INPP4B: variants seen among roughly 807,000 people sequenced by gnomAD.
INPP4B encodes the protein inositol polyphosphate-4-phosphatase type II B, also known as inositol polyphosphate 4-phosphatase type II.
INPP4B carries 55 observed loss-of-function variants against 122.5 expected under a neutral mutation model. The observed-to-expected ratio is 0.45, with a 90% confidence interval of 0.36 to 0.56. The LOEUF is 0.56. INPP4B is among the 20% of genes least tolerant of loss of function. INPP4B has a pLI of 0.00. For missense variants in INPP4B, 1,000 were observed against 1,097.7 expected, an observed-to-expected ratio of 0.91 and a Z score of 1.26; for synonymous variants, 403 against 388.7, an observed-to-expected ratio of 1.04 and a Z score of -0.43.
chr4:142,325,494 A>G (rs1771976655), intron 7 of INPP4B, among the ~76,000 whole-genome samples: 1 of 152,194 alleles, frequency 6.6e-6, no homozygotes, highest in African/African-American at 2.4e-5. Flanking sequence ...GGGATATGCT[A>G]TCTTGGGTTT....
intron 9 of INPP4B, among the ~76,000 whole-genome samples, chr4:142,297,507 T>C (rs761405818): frequency 6.6e-6 from 1 of 152,156 alleles, no homozygotes; most frequent in Non-Finnish European, 1.5e-5. Flanking sequence ...CAAGATCTGG[T>C]TGATTCAAAG....
At chr4:142,398,421 T>C (rs1414227764) in intron 7 of INPP4B, among the ~76,000 whole-genome samples, 2 of 93,532 alleles carry the variant, frequency 2.1e-5, no homozygotes, top group African/African-American at 8.4e-5. Context: ...TATATATATA[T>C]ATATATATAT....
At chr4:142,563,888 C>T (rs1050186082) in intron 2 of INPP4B, among the ~76,000 whole-genome samples, 4 of 152,130 alleles carry the variant, frequency 2.6e-5, no homozygotes, top group African/African-American at 4.8e-5. Context: ...GCTAATCCCC[C>T]GAAGCAGAGC....
At chr4:142,612,022 A>G (rs112956402) in intron 2 of INPP4B, among the ~76,000 whole-genome samples, 4 of 152,300 alleles carry the variant, frequency 2.6e-5, no homozygotes, top group African/African-American at 4.8e-5. Context: ...TAGCATACAC[A>G]GGTTTACATG....
At chr4:142,174,836 G>T (rs1322394152) in intron 15 of INPP4B, among the ~76,000 whole-genome samples, 1 of 152,022 alleles carries the variant, frequency 6.6e-6, no homozygotes, top group Non-Finnish European at 1.5e-5. Flanking sequence ...TACTATGCTT[G>T]CACAGACTGG....
intron 9 of INPP4B, among the ~76,000 whole-genome samples, chr4:142,279,141 A>G (rs1227484207): frequency 6.6e-6 from 1 of 152,006 alleles, no homozygotes; most frequent in Non-Finnish European, 1.5e-5. Context: ...CTAATAAAAA[A>G]TTCAAAGAAG....
intron 2 of INPP4B, among the ~76,000 whole-genome samples, chr4:142,499,389 AG>A (rs1287714231): frequency 6.6e-6 from 1 of 152,188 alleles, no homozygotes; most frequent in Non-Finnish European, 1.5e-5. Context: ...TTTGATTAGA[AG>A]GGATTTTAAC....
intron 7 of INPP4B, among the ~76,000 whole-genome samples, chr4:142,350,922 T>C (rs1388085980): frequency 6.6e-6 from 1 of 151,986 alleles, no homozygotes; most frequent in African/African-American, 2.4e-5. Flanking sequence ...TGTTAGGCTC[T>C]TCTAACAGGG....
At chr4:142,587,040 G>T (rs998038706) in intron 2 of INPP4B, among the ~76,000 whole-genome samples, 5 of 152,114 alleles carry the variant, frequency 3.3e-5, no homozygotes, top group Non-Finnish European at 7.4e-5. Context: ...AAATGGGGAG[G>T]CTTTGATGGG....
chr4:142,668,849 C>T (rs1756547363), intron 2 of INPP4B, among the ~76,000 whole-genome samples: 1 of 151,436 alleles, frequency 6.6e-6, no homozygotes, highest in Admixed American at 6.6e-5. Context: ...GAGATTGAGA[C>T]TATCCTGGCT....
chr4:142,441,639 G>T lies in INPP4B; in HGVS notation c.-126-10254C>A, dbSNP rs1022437252. Among the ~76,000 whole-genome samples the T allele has an allele frequency of 2.0e-5, 3 of 151,440 alleles. No individual in the cohort carries two copies. In the East Asian group the frequency reaches 5.9e-4, roughly 30 times the overall value. ...ATGCATATAGTGAGAAGAAGAGAGG[G>T]CTGAGGAATTAATCTTAAGGTGCAA... On this transcript the variant is annotated intron_variant, in intron 3 of 25. Coordinates refer to ENST00000262992, the MANE Select transcript of INPP4B (RefSeq NM_001101669.3).
intron 2 of INPP4B, among the ~76,000 whole-genome samples, chr4:142,517,274 G>A (rs901341537): frequency 6.6e-6 from 1 of 151,742 alleles, no homozygotes; most frequent in Non-Finnish European, 1.5e-5. Flanking sequence ...ATAGTCATTG[G>A]GTCTATTAAA....
chr4:142,536,764 G>A (rs1426098529), intron 2 of INPP4B, among the ~76,000 whole-genome samples: 1 of 152,054 alleles, frequency 6.6e-6, no homozygotes, highest in Non-Finnish European at 1.5e-5. Flanking sequence ...TAAACGGGCA[G>A]AATCACCAGG....
chr4:142,664,242 A>C (rs920342879), intron 2 of INPP4B, among the ~76,000 whole-genome samples: 1 of 152,120 alleles, frequency 6.6e-6, no homozygotes, highest in Non-Finnish European at 1.5e-5. Context: ...GCCATGTCCC[A>C]CACTGCCAAG....
At chr4:142,845,855 C>A (rs919248729) in intron 1 of INPP4B, among the ~76,000 whole-genome samples, 1 of 152,074 alleles carries the variant, frequency 6.6e-6, no homozygotes, top group African/African-American at 2.4e-5. Flanking sequence ...GGAAGGTCAG[C>A]GAGGCCAGAG....
chr4:142,784,236 G>A (rs1427682165), intron 1 of INPP4B, among the ~76,000 whole-genome samples: 2 of 151,912 alleles, frequency 1.3e-5, no homozygotes, highest in African/African-American at 4.8e-5. Flanking sequence ...GGTGGCATGT[G>A]CCTGTAGTCC....
intron 2 of INPP4B, among the ~76,000 whole-genome samples, chr4:142,641,515 C>G (rs575339042): frequency 6.6e-6 from 1 of 150,986 alleles, no homozygotes; most frequent in South Asian, 2.1e-4. Context: ...TGAGAACATG[C>G]GGTGTTTGGT....
chr4:142,293,151 G>A (rs535486792), intron 9 of INPP4B, among the ~76,000 whole-genome samples: 67 of 150,610 alleles, frequency 4.4e-4, no homozygotes, highest in Non-Finnish European at 8.3e-4. Flanking sequence ...AGAGTCTACT[G>A]CCTCAGCCTC....
rs186300979 is a variant in INPP4B at position 142,503,498 on chromosome 4, G to A, written c.-190-40772C>T. Among the ~76,000 whole-genome samples the A allele has an allele frequency of 2.7e-3, 407 of 152,178 alleles. 5 individuals carry two copies. The highest frequency in any genetic ancestry group is 3.6e-3 in the Non-Finnish European group (244 of 67,984). ...CTATATGGAACAAAACCATACAATT[G>A]TATTGTAAGTTATTAAACAATATCT... On this transcript the variant is annotated intron_variant, in intron 2 of 25. Transcript: ENST00000262992.
Sources: gnomAD v4.1 joint callset for allele counts (sites outside exome capture counted in the v4.1 genomes callset) on GRCh38, gnomAD v4.1.1 for gene constraint, MANE v1.5 for transcripts, NCBI Gene and HGNC (gene_info 2026-07-23, HGNC 2026-07-21) for gene names.